The following RAPGEF4 variants were observed in gnomAD, a reference collection of about 807,000 sequenced individuals.
RAPGEF4 encodes RAP guanine-nucleotide-exchange factor (GEF) 4.
In RAPGEF4, 66 loss-of-function variants were observed where a neutral mutation model predicts 147.9. That is an observed-to-expected ratio of 0.45 (90% CI 0.37 to 0.55). The LOEUF (loss-of-function observed/expected upper bound fraction) is 0.55. Ranked by LOEUF, RAPGEF4 falls within the 20% of genes least tolerant of loss-of-function variation. The pLI is 0.00. For missense variants in RAPGEF4, 1,071 were observed against 1,257.3 expected (o/e 0.85, Z 2.24); for synonymous variants, 419 against 442.7 (o/e 0.95, Z 0.67).
intron 6 of RAPGEF4, among the ~76,000 whole-genome samples, chr2:172,949,289 A>AT (rs1405660036): frequency 1.3e-5 from 2 of 152,168 alleles, no homozygotes; most frequent in Non-Finnish European, 2.9e-5. Flanking sequence ...CAAAGACACA[A>AT]TTTTTTAAGG....
At chr2:173,003,670 A>G (rs1309362357) in intron 17 of RAPGEF4, among the ~76,000 whole-genome samples, 1 of 151,036 alleles carries the variant, frequency 6.6e-6, no homozygotes, top group Non-Finnish European at 1.5e-5. Flanking sequence ...TGAGTTCTCC[A>G]GATGATTCCA....
At chr2:172,799,764 A>C (rs1229762172) in intron 3 of RAPGEF4, among the ~76,000 whole-genome samples, 2 of 152,172 alleles carry the variant, frequency 1.3e-5, no homozygotes, top group Non-Finnish European at 2.9e-5. Context: ...AAGAAAGAAG[A>C]GGAAATCTCG....
chr2:172,849,604 T>C (rs1575032782), intron 4 of RAPGEF4, among the ~76,000 whole-genome samples: 3 of 152,364 alleles, frequency 2.0e-5, no homozygotes, highest in Admixed American at 2.0e-4. Context: ...CCTAATTTAC[T>C]ATCTTTGTAC....
intron 17 of RAPGEF4, among the ~76,000 whole-genome samples, chr2:173,005,018 GAC>G (rs1694290744): frequency 6.6e-6 from 1 of 152,008 alleles, no homozygotes; most frequent in Non-Finnish European, 1.5e-5. Context: ...ATGTGAGAAA[GAC>G]ACATTATCAT....
intron 6 of RAPGEF4, among the ~76,000 whole-genome samples, chr2:172,923,393 C>T (rs1284062445): frequency 6.6e-5 from 10 of 152,204 alleles, no homozygotes; most frequent in African/African-American, 2.2e-4. Context: ...CTCAGCCTGC[C>T]GAATAGCTGG....
chr2:173,029,691 C>T (rs1036122656), intron 25 of RAPGEF4, among the ~76,000 whole-genome samples: 6 of 152,156 alleles, frequency 3.9e-5, no homozygotes, highest in African/African-American at 7.2e-5. Flanking sequence ...TTTCAACAAA[C>T]AAGTAGCATT....
At chr2:173,020,506 ACT>A in intron 22 of RAPGEF4, 110 bp from the exon 23 acceptor site, 2 of 857,994 alleles carry the variant, frequency 2.3e-6, no homozygotes, top group Non-Finnish European at 4.0e-6. Context: ...TTATGCAGTC[ACT>A]CTGCGTGTTC....
intron 1 of RAPGEF4, among the ~76,000 whole-genome samples, chr2:172,771,620 T>G (rs1344139041): frequency 6.6e-6 from 1 of 152,086 alleles, no homozygotes; most frequent in Non-Finnish European, 1.5e-5. Flanking sequence ...TTTTTATTTT[T>G]TTGGTATGAG....
chr2:172,897,064 A>G (rs1319164672), intron 4 of RAPGEF4, among the ~76,000 whole-genome samples: 3 of 152,276 alleles, frequency 2.0e-5, no homozygotes, highest in Non-Finnish European at 4.4e-5. Context: ...GCTTTCCTGC[A>G]TCTTTTTCTG....
chr2:172,806,795 A>T (rs1687538958), intron 3 of RAPGEF4, among the ~76,000 whole-genome samples: 1 of 152,224 alleles, frequency 6.6e-6, no homozygotes, highest in Non-Finnish European at 1.5e-5. Context: ...TCAGAAAAAA[A>T]TCTCATACTA....
chr2:172,813,823 C>A (rs781708136), intron 3 of RAPGEF4, among the ~76,000 whole-genome samples: 7 of 152,132 alleles, frequency 4.6e-5, no homozygotes, highest in Non-Finnish European at 7.3e-5. Flanking sequence ...AAATGTCCAC[C>A]AGCAGGAGGA....
Position 173,052,682 on chromosome 2 carries a change from TTCAA to T in RAPGEF4, c.*921_*924del, listed in dbSNP as rs533717123. ...ACTTTCAAAGATTGTAAATAGTTCATTCAATCAATGGTATGGAGTTATTTATTTG... is the reference window on the plus strand; with the variant it reads ...ACTTTCAAAGATTGTAAATAGTTCATTCAATGGTATGGAGTTATTTATTTG... On this transcript the variant is annotated 3_prime_UTR_variant, in exon 31 of 31. Transcript: ENST00000397081. 9.8e-5 allele frequency: 15 copies of T among 152,770 alleles called. No homozygotes were observed. The South Asian group carries it at 1.2e-3, about 13-fold the overall frequency. The allele number at this position is 152,770 out of a possible 1,614,324, so 9.5% of individuals were successfully genotyped here.
chr2:173,011,170 G>GCGCACACA (rs564434178), intron 17 of RAPGEF4, among the ~76,000 whole-genome samples: 5,917 of 133,432 alleles, frequency 0.044, 160 homozygotes, highest in East Asian at 0.061. Flanking sequence ...GCGCGCGCGC[G>GCGCACACA]CACACACACA....
intron 4 of RAPGEF4, among the ~76,000 whole-genome samples, chr2:172,906,992 C>A (rs1699693418): frequency 6.6e-6 from 1 of 152,192 alleles, no homozygotes; most frequent in African/African-American, 2.4e-5. Context: ...AAAGGGGCTC[C>A]CTGCCCCAGG....
At position 172,845,436 on chromosome 2, in the gene RAPGEF4, A is replaced by AT. The variant is rs145267293; in HGVS notation, c.444+31021dup. On this transcript the variant is annotated intron_variant, in intron 4 of 30. Transcript: ENST00000397081. ...GGATTAAAATGCAAACCAAACCCAG[A>AT]TTTTTTTTTTGTATTTAATTAATGT... is the stretch of plus-strand genomic sequence containing the variant. 6.1e-3 allele frequency among the ~76,000 whole-genome samples: 917 copies of AT among 149,842 alleles called. 8 individuals carry two copies. The highest frequency in any genetic ancestry group is 0.02 in the African/African-American group (836 of 40,906).
chr2:173,011,852 CAA>C (rs35418559), intron 17 of RAPGEF4, among the ~76,000 whole-genome samples: 4 of 143,438 alleles, frequency 2.8e-5, no homozygotes, highest in African/African-American at 7.7e-5. Context: ...GACTCCGTCT[CAA>C]AAAAAAAAAA....
In RAPGEF4 at chr2:172,795,041, A is replaced by G. The variant is rs1686229867; in HGVS notation, c.82A>G (p.Ser28Gly). The change falls in exon 2 of 31, where the codon AGC becomes GGC. Residue 28 changes from serine (S) to glycine (G), a missense_variant. By Grantham distance (56) the Ser-to-Gly change is moderately conservative. Coordinates refer to ENST00000397081, the MANE Select transcript of RAPGEF4 (RefSeq NM_007023.4). ...CCTATACAGACCACTGGAGCGATCCAGCGAAGATGTGGATATAATCTTCAC... is the reference window on the plus strand; with the variant it reads ...CCTATACAGACCACTGGAGCGATCCGGCGAAGATGTGGATATAATCTTCAC... ...CLDKRPLERS[S>G]EDVDIIFTRL... 5 of 1,613,964 alleles carry G rather than the reference A, an allele frequency of 3.1e-6. No individual in the cohort carries two copies. Among genetic ancestry groups the G allele is most frequent in the Admixed American group, 1.7e-5 (1 of 60,010 alleles).
At chr2:172,894,742 G>A (rs1045235274) in intron 4 of RAPGEF4, among the ~76,000 whole-genome samples, 4 of 152,040 alleles carry the variant, frequency 2.6e-5, no homozygotes, top group African/African-American at 9.7e-5. Context: ...TTTGCTCTGA[G>A]GGTGCATTTC....
At chr2:172,737,951 G>A (rs1361439006) in intron 1 of RAPGEF4, among the ~76,000 whole-genome samples, 1 of 152,156 alleles carries the variant, frequency 6.6e-6, no homozygotes, top group African/African-American at 2.4e-5. Context: ...TAGGCTTTTT[G>A]TTTTGTGGTA....
Sources: allele counts gnomAD v4.1 joint callset (sites outside exome capture counted in the v4.1 genomes callset), GRCh38; gene constraint gnomAD v4.1.1; transcripts MANE v1.5; gene names NCBI Gene and HGNC (gene_info 2026-07-23, HGNC 2026-07-21).